AHNAK2: variants seen among roughly 807,000 people sequenced by gnomAD.
AHNAK2 encodes the protein protein AHNAK2.
AHNAK2 carries 18 observed loss-of-function variants against 30.7 expected under a neutral mutation model. The ratio of observed to expected loss-of-function variants is 0.59; its 90% CI spans 0.41 to 0.87. AHNAK2 has a LOEUF of 0.87. Among genes scored for constraint, AHNAK2 ranks in the 40% least tolerant of loss-of-function variants. AHNAK2 has a pLI of 0.00. For missense variants in AHNAK2, 8,604 were observed against 7,373.0 expected (o/e 1.17, Z -6.11); for synonymous variants, 3,590 against 3,073.8 (o/e 1.17, Z -5.56).
intron 1 of AHNAK2, among the ~76,000 whole-genome samples, chr14:104,959,316 A>G (rs1410320741): frequency 6.6e-6 from 1 of 152,076 alleles, no homozygotes; most frequent in Non-Finnish European, 1.5e-5. Flanking sequence ...GGGACTACAG[A>G]CACGCGCTAC....
rs1224701913 is a variant in AHNAK2 at position 104,943,721 on chromosome 14, G to A, written c.11730C>T (p.Gly3910=). The change falls in exon 7 of 7, where the codon GGC becomes GGT. Residue 3910 remains glycine, a synonymous_variant. Coordinates refer to ENST00000333244, the MANE Select transcript of AHNAK2 (RefSeq NM_138420.4). Reference sequence around the variant, plus strand: ...TGGGGTCTTTTAGGTCCAGCTTGGGGCCCTTGATGTCTATTTCAGGGCCCT... The same window carrying A: ...TGGGGTCTTTTAGGTCCAGCTTGGGACCCTTGATGTCTATTTCAGGGCCCT... The part of the protein sequence containing the change: ...DLKGPEIDIK[G]PKLDLKDPKV... 3 of 1,612,770 alleles carry A rather than the reference G, an allele frequency of 1.9e-6. No individual in the cohort carries two copies. The highest frequency in any genetic ancestry group is 2.5e-6 in the Non-Finnish European group (3 of 1,179,508).
At chr14:104,969,344 C>T (rs573245384) in intron 1 of AHNAK2, among the ~76,000 whole-genome samples, 1 of 152,364 alleles carries the variant, frequency 6.6e-6, no homozygotes, top group South Asian at 2.1e-4. Flanking sequence ...GCAGCCTCTC[C>T]GTGCCTGCTC....
chr14:104,961,301 T>G (rs1484993143), intron 1 of AHNAK2, among the ~76,000 whole-genome samples: 6 of 150,804 alleles, frequency 4.0e-5, no homozygotes, highest in Non-Finnish European at 8.9e-5. Context: ...GATCACGAGG[T>G]CAGGAGATCA....
Position 104,952,400 on chromosome 14 carries a change from G to A in AHNAK2, c.3051C>T (p.Ile1017=). 1 of 1,612,232 alleles carries A rather than the reference G, an allele frequency of 6.2e-7. No homozygotes were observed. Among genetic ancestry groups the A allele is most frequent in the Non-Finnish European group, 8.5e-7 (1 of 1,179,428 alleles). Residue 1017 remains isoleucine (I), a synonymous_variant, in exon 7 of 7, where the codon ATC becomes ATT. Coordinates refer to ENST00000333244, the MANE Select transcript of AHNAK2 (RefSeq NM_138420.4). ...GTGCAGACACATCCACCAAGGCCTTGATGGACTTCCCTGGGGCCGATACCC... is the reference window on the plus strand; with the variant it reads ...GTGCAGACACATCCACCAAGGCCTTAATGGACTTCCCTGGGGCCGATACCC... ...SFGVSAPGKS[I]KALVDVSAPK... is the part of the protein sequence containing the mutation.
chr14:104,956,620 A>C lies in AHNAK2; in HGVS notation c.283T>G (p.Ser95Ala). ...CGACTCATCCTGAAAAATGTCCGTGAGTCCCCTGAATCTCGCTTCCACCAG... is the reference window on the plus strand; with the variant it reads ...CGACTCATCCTGAAAAATGTCCGTGCGTCCCCTGAATCTCGCTTCCACCAG... Reference protein sequence around the residue: ...RSWWKRDSGDSRTFFRMSRPE... With the variant: ...RSWWKRDSGDARTFFRMSRPE... Residue 95 changes from serine to alanine, a missense_variant, in exon 4 of 7, where the codon TCA becomes GCA. Ser to Ala is a moderately conservative substitution (Grantham distance 99, BLOSUM62 1). Transcript: ENST00000333244. 2 of 1,613,902 alleles carry C rather than the reference A, an allele frequency of 1.2e-6. No homozygotes were observed. The highest frequency in any genetic ancestry group is 2.7e-5 in the African/African-American group (2 of 75,052).
At position 104,956,670 on chromosome 14, in the gene AHNAK2, T is replaced by C. The variant is rs1391882751; in HGVS notation, c.233A>G (p.Gln78Arg). ...GGATCTCCGTCTCCCAGCAGAACCT[T>C]GCCTGCCGGGGGCGTCTTCCTGCAG... is the stretch of plus-strand genomic sequence containing the variant. ...FGLQEDAPGR[Q>R]GSAGRRRSWW... Residue 78 changes from glutamine to arginine, a missense_variant, in exon 4 of 7, where the codon CAA becomes CGA. By Grantham distance (43) the Gln-to-Arg change is conservative. Transcript: ENST00000333244. 7.4e-6 allele frequency: 12 copies of C among 1,613,610 alleles called. No individual in the cohort carries two copies. The highest frequency in any genetic ancestry group is 6.8e-6 in the Non-Finnish European group (8 of 1,179,864).
rs758057560 is a variant in AHNAK2 at position 104,952,586 on chromosome 14, G to T, written c.2865C>A (p.Pro955=). 2 of 1,612,388 alleles carry T rather than the reference G, an allele frequency of 1.2e-6. No homozygotes were observed. Among genetic ancestry groups the T allele is most frequent in the Non-Finnish European group, 1.7e-6 (2 of 1,179,506 alleles). ...TGCTGGGCAGAGACACCTCGCCATC[G>T]GGGGCTGTCACTTCCGCCTTGGGGC... ...LKGPKAEVTA[P]DGEVSLPSME... Residue 955 remains proline (P), a synonymous_variant, in exon 7 of 7, where the codon CCC becomes CCA. Transcript: ENST00000333244.
Position 104,944,007 on chromosome 14 carries a change from A to G in AHNAK2, c.11444T>C (p.Val3815Ala), listed in dbSNP as rs1898125415. ...CTCAATGGACTTGCCTGGGGCAGAC[A>G]CCCCAAATGACGGCATCTTGAACTT... is the stretch of plus-strand genomic sequence containing the variant. ...MPKFKMPSFG[V>A]SAPGKSIEAS... is the part of the protein sequence containing the mutation. Residue 3815 changes from valine (V) to alanine (A), a missense_variant, in exon 7 of 7, where the codon GTG becomes GCG. Val to Ala is a moderately conservative substitution (Grantham distance 64, BLOSUM62 0). Transcript: ENST00000333244. 4 of 1,611,952 alleles carry G rather than the reference A, an allele frequency of 2.5e-6. No individual in the cohort carries two copies. The highest frequency in any genetic ancestry group is 1.3e-5 in the African/African-American group (1 of 74,368).
chr14:104,957,272 G>A (rs1370667032), intron 3 of AHNAK2, 138 bp downstream of exon 3: 4 of 781,620 alleles, frequency 5.1e-6, no homozygotes, highest in Non-Finnish European at 7.9e-6. Context: ...AGAGGAGTCT[G>A]AGAGGACATC....
In AHNAK2 at chr14:104,953,114, G is replaced by T; in HGVS notation, c.2337C>A (p.Asp779Glu). 4 of 1,612,210 alleles carry T rather than the reference G, an allele frequency of 2.5e-6. No homozygotes were observed. Among genetic ancestry groups the T allele is most frequent in the Non-Finnish European group, 1.7e-6 (2 of 1,179,466 alleles). ...TCACTTCCGCCTTGGGGCCTTTCAG[G>T]TCCAGCTTGGGGCCCTTGAGGTCCA... ...PKVDLKGPKL[D>E]LKGPKAEVTA... Residue 779 changes from aspartate (D) to glutamate (E), a missense_variant, in exon 7 of 7, where the codon GAC becomes GAA. Asp to Glu is a conservative substitution (Grantham distance 45, BLOSUM62 2). Transcript: ENST00000333244.
rs202238703 is a variant in AHNAK2 at position 104,949,924 on chromosome 14, C to G, written c.5527G>C (p.Glu1843Gln). 2.8e-4 allele frequency: 446 copies of G among 1,588,558 alleles called. 13 individuals are homozygous for G. Among genetic ancestry groups the G allele is most frequent in the African/African-American group, 2.5e-3 (180 of 72,444 alleles). The change falls in exon 7 of 7, where the codon GAG (glutamate) becomes CAG (glutamine). Residue 1843 changes from glutamate to glutamine, a missense_variant. By Grantham distance (29) the Glu-to-Gln change is conservative (BLOSUM62 2). Transcript: ENST00000333244. ...FGVSAPGKSI[E>Q]ASVDVSAPKV... ...GGCGCAGACACATCCACCGAGGCCT[C>G]GATGGACTTGCCTGGGGCAGACACC... is the stretch of plus-strand genomic sequence containing the variant.
rs753761454 is a variant in AHNAK2, at chr14:104,945,341, G to A, written c.10110C>T (p.Gly3370=). ...LPSVDLEVQA[G]QVDVKLPEGH... ...CCTCCGGGAGCTTCACGTCCACCTG[G>A]CCAGCCTGGACCTCCAGGTCCACAG... Residue 3370 remains glycine (G), a synonymous_variant, in exon 7 of 7, where the codon GGC becomes GGT. Coordinates refer to ENST00000333244, the MANE Select transcript of AHNAK2 (RefSeq NM_138420.4). 6.2e-7 allele frequency: 1 copy of A among 1,612,648 alleles called. No individual in the cohort carries two copies. The highest frequency in any genetic ancestry group is 1.1e-5 in the South Asian group (1 of 91,034).
At chr14:104,955,256 G>A in intron 5 of AHNAK2, 115 bp from the exon 6 acceptor site, 1 of 1,353,888 alleles carries the variant, frequency 7.4e-7, no homozygotes, top group South Asian at 1.4e-5. Flanking sequence ...ATCCCACTGA[G>A]TCTGCCCCAC....
In AHNAK2 at chr14:104,938,864, G is replaced by A. The variant is rs563792120; in HGVS notation, c.16587C>T (p.His5529=). The A allele has an allele frequency of 5.0e-6, 8 of 1,613,882 alleles. No homozygotes were observed. The African/African-American group carries it at 8.0e-5, about 16-fold the overall frequency. ...SLLKVKIPEP[H]TQARVYTTMT... is the part of the protein sequence containing the mutation. ...TTGTTGTGTACACTCTAGCCTGCGT[G>A]TGGGGCTCTGGGATTTTCACTTTTA... Residue 5529 remains histidine (H), a synonymous_variant, in exon 7 of 7, where the codon CAC becomes CAT. Coordinates refer to ENST00000333244, the MANE Select transcript of AHNAK2 (RefSeq NM_138420.4).
intron 1 of AHNAK2, among the ~76,000 whole-genome samples, chr14:104,958,689 G>A (rs1466072650): frequency 2.0e-5 from 3 of 152,076 alleles, no homozygotes. Context: ...TTGAAGAACG[G>A]GGTCAGGGGG....
Position 104,941,202 on chromosome 14 carries a change from GA to G in AHNAK2, c.14248del (p.Ser4750ArgfsTer48), listed in dbSNP as rs1566896654. On this transcript the variant is annotated frameshift_variant, in exon 7 of 7. Coordinates refer to ENST00000333244, the MANE Select transcript of AHNAK2 (RefSeq NM_138420.4). LOFTEE classifies it low-confidence loss of function (END_TRUNC). ...ECSSFELQQV[S>X]ACSEPSMQMP... ...CTGCATGGATGGCTCTGAACAAGCC[GA>G]AACCTGTTGTAATTCAAAACTTGAG... 2.5e-6 allele frequency: 4 copies of G among 1,613,458 alleles called. No individual in the cohort carries two copies. The highest frequency in any genetic ancestry group is 3.4e-6 in the Non-Finnish European group (4 of 1,179,904).
At position 104,946,866 on chromosome 14, in the gene AHNAK2, C is replaced by T. The variant is rs367906140; in HGVS notation, c.8585G>A (p.Arg2862His). The T allele has an allele frequency of 5.5e-5, 89 of 1,612,468 alleles. 1 individual carries two copies. The highest frequency in any genetic ancestry group is 3.4e-4 in the South Asian group (31 of 91,040). Residue 2862 changes from arginine to histidine, a missense_variant, in exon 7 of 7, where the codon CGC (arginine) becomes CAC (histidine). Transcript: ENST00000333244. ...CAGTTGGGCGGAGGGGGGCTGAATG[C>T]GGATGTCAGTGGTCTTAAGATCCCC... The part of the protein sequence containing the change: ...MQGDLKTTDI[R>H]IQPPSAQLEV...
In AHNAK2 at chr14:104,937,970, T is replaced by C; in HGVS notation, c.*93A>G. Reference sequence around the variant, plus strand: ...GTTCTGTGAAGTGAGGTGGATGTAATGTGCTGTGGGATGGGGTGCTCCATA... The same window carrying C: ...GTTCTGTGAAGTGAGGTGGATGTAACGTGCTGTGGGATGGGGTGCTCCATA... On this transcript the variant is annotated 3_prime_UTR_variant, in exon 7 of 7. Coordinates refer to ENST00000333244, the MANE Select transcript of AHNAK2 (RefSeq NM_138420.4). The C allele has an allele frequency of 7.6e-7, 1 of 1,320,790 alleles. No individual in the cohort carries two copies. Among genetic ancestry groups the C allele is most frequent in the Non-Finnish European group, 1.0e-6 (1 of 958,034 alleles). The allele number at this position is 1,320,790 out of a possible 1,614,324, so 81.8% of individuals were successfully genotyped here.
In AHNAK2 at chr14:104,938,408, T is replaced by C. The variant is rs1370838395; in HGVS notation, c.17043A>G (p.Ala5681=). 7.4e-6 allele frequency: 12 copies of C among 1,613,834 alleles called. No individual in the cohort carries two copies. Among genetic ancestry groups the C allele is most frequent in the Non-Finnish European group, 1.0e-5 (12 of 1,179,890 alleles). Residue 5681 remains alanine, a synonymous_variant, in exon 7 of 7, where the codon GCA becomes GCG. Coordinates refer to ENST00000333244, the MANE Select transcript of AHNAK2 (RefSeq NM_138420.4). The stretch of plus-strand genomic sequence containing the variant: ...TTTTAGGCAGTTCTGCCTCTGGTCG[T>C]GCCTCAGGCTGTGTTTGAATGGGAG... ...RSAPIQTQPE[A]RPEAELPKKQ...
Sources: allele counts gnomAD v4.1 joint callset (sites outside exome capture counted in the v4.1 genomes callset), GRCh38; gene constraint gnomAD v4.1.1; transcripts MANE v1.5; gene names NCBI Gene and HGNC (gene_info 2026-07-23, HGNC 2026-07-21).